NLN: variants seen among roughly 807,000 people sequenced by gnomAD.
NLN encodes the protein neurolysin, also known as neurolysin, mitochondrial.
In NLN, 64 loss-of-function variants were observed where a neutral mutation model predicts 79.9. The observed-to-expected ratio is 0.80, with a 90% CI of 0.65 to 0.99. The LOEUF (loss-of-function observed/expected upper bound fraction) is 0.99, where lower values mean the gene tolerates loss of function less well. NLN is among the 50% of genes least tolerant of loss of function. The pLI is 0.00. For missense variants in NLN, 835 were observed against 858.7 expected (o/e 0.97, Z 0.34); for synonymous variants, 267 against 296.6 (o/e 0.90, Z 1.02).
At chr5:65,740,081 A>G (rs1437092300) in intron 1 of NLN, among the ~76,000 whole-genome samples, 3 of 152,084 alleles carry the variant, frequency 2.0e-5, no homozygotes, top group African/African-American at 7.2e-5. Context: ...CACTAGTGTT[A>G]TGGAGCTTTT....
chr5:65,790,163 C>G (rs951269788), intron 8 of NLN, among the ~76,000 whole-genome samples: 1 of 152,178 alleles, frequency 6.6e-6, no homozygotes, highest in African/African-American at 2.4e-5. Flanking sequence ...CAACCTCTTA[C>G]AATTACTAAT....
intron 1 of NLN, among the ~76,000 whole-genome samples, chr5:65,733,966 C>T (rs182290834): frequency 0.014 from 1,929 of 135,468 alleles, 341 homozygotes; most frequent in South Asian, 0.037. Flanking sequence ...GGCACGACTT[C>T]GGCTCACTGC....
intron 9 of NLN, among the ~76,000 whole-genome samples, chr5:65,806,908 G>C (rs1760424894): frequency 6.6e-6 from 1 of 152,092 alleles, no homozygotes; most frequent in African/African-American, 2.4e-5. Context: ...TGGCTGCGTT[G>C]GCTCCCACCT....
At chr5:65,792,706 A>C in intron 9 of NLN, 51 bp downstream of exon 9, 2 of 1,345,544 alleles carry the variant, frequency 1.5e-6, no homozygotes, top group Non-Finnish European at 2.1e-6. Flanking sequence ...TTTTTAGAAA[A>C]CTTCTTGACT....
At chr5:65,813,812 C>T (rs1760608563) in intron 12 of NLN, among the ~76,000 whole-genome samples, 1 of 151,972 alleles carries the variant, frequency 6.6e-6, no homozygotes, top group South Asian at 2.1e-4. Flanking sequence ...CCTATAGCCC[C>T]AGCTACTCTG....
intron 1 of NLN, among the ~76,000 whole-genome samples, chr5:65,737,154 CTG>C (rs148954566): frequency 0.054 from 8,233 of 152,130 alleles, 643 homozygotes; most frequent in African/African-American, 0.18. Context: ...TATATTTAAT[CTG>C]TGTTTAATCT....
chr5:65,733,473 C>T (rs968036012), intron 1 of NLN: 9 of 1,400,908 alleles, frequency 6.4e-6, no homozygotes, highest in South Asian at 2.3e-5. Flanking sequence ...GTATCCTTCC[C>T]ATCTGGAGAG....
chr5:65,753,451 C>T (rs1326822502), intron 1 of NLN, among the ~76,000 whole-genome samples: 5 of 152,176 alleles, frequency 3.3e-5, no homozygotes, highest in South Asian at 2.1e-4. Flanking sequence ...TAGTTTGAGA[C>T]CAGCCTGGCC....
intron 9 of NLN, 73 bp from the exon 10 acceptor site, chr5:65,809,442 C>G: frequency 7.7e-7 from 1 of 1,304,852 alleles, no homozygotes; most frequent in East Asian, 2.3e-5. Context: ...GTTTTCGTGA[C>G]TCTTAATAAT....
At chr5:65,748,782 A>G (rs140221370) in intron 1 of NLN, among the ~76,000 whole-genome samples, 56 of 152,228 alleles carry the variant, frequency 3.7e-4, no homozygotes, top group African/African-American at 1.3e-3. Flanking sequence ...AAGAAACTGA[A>G]GTTAAGGGAG....
rs1418200631 is a variant in NLN, at chr5:65,825,655, A to G, written c.*2740A>G. 6.6e-6 allele frequency: 1 copy of G among 152,206 alleles called. No homozygotes were observed. The highest frequency in any genetic ancestry group is 1.5e-5 in the Non-Finnish European group (1 of 68,046). The allele number at this position is 152,206 out of a possible 1,614,324, so 9.4% of individuals were successfully genotyped here. A position where few individuals can be genotyped will look rare whatever the true frequency, so the allele number is the denominator to read the frequency against. Reference sequence around the variant, plus strand: ...CCAAGGTCTTGCCTTTCTAAAGCTAATAAGGTGAGAGGTGGATATCTGTAG... The same window carrying G: ...CCAAGGTCTTGCCTTTCTAAAGCTAGTAAGGTGAGAGGTGGATATCTGTAG... On this transcript the variant is annotated 3_prime_UTR_variant, in exon 13 of 13. Transcript: ENST00000380985.
chr5:65,723,536 C>G (rs1017379987), intron 1 of NLN, among the ~76,000 whole-genome samples: 2 of 152,088 alleles, frequency 1.3e-5, no homozygotes, highest in Non-Finnish European at 2.9e-5. Context: ...AATTCTCGGC[C>G]GGGCGCTGTG....
chr5:65,762,992 G>GTATC lies in NLN; in HGVS notation c.335_338dup (p.Ser114IlefsTer3). ...GACCATGCTAGACTTTCCCCAGCATGTATCCTCTGACAAAGAAGTACGAGC... is the reference window on the plus strand; with the variant it reads ...GACCATGCTAGACTTTCCCCAGCATGTATCTATCCTCTGACAAAGAAGTACGAGC... On this transcript the variant is annotated frameshift_variant, in exon 3 of 13. Coordinates refer to ENST00000380985, the MANE Select transcript of NLN (RefSeq NM_020726.5). LOFTEE classifies it high-confidence loss of function. The GTATC allele has an allele frequency of 6.2e-7, 1 of 1,614,000 alleles. No individual in the cohort carries two copies. Among genetic ancestry groups the GTATC allele is most frequent in the Non-Finnish European group, 8.5e-7 (1 of 1,179,934 alleles).
intron 6 of NLN, among the ~76,000 whole-genome samples, chr5:65,783,540 A>C (rs1030079566): frequency 2.6e-5 from 4 of 152,078 alleles, no homozygotes; most frequent in Non-Finnish European, 5.9e-5. Flanking sequence ...TGGGAAACGT[A>C]ATTAGGTAAC....
chr5:65,754,955 C>CT (rs1317871209), intron 1 of NLN, among the ~76,000 whole-genome samples: 1 of 152,174 alleles, frequency 6.6e-6, no homozygotes, highest in Admixed American at 6.5e-5. Flanking sequence ...TTCATGTAGG[C>CT]AATTTATCCA....
At chr5:65,766,648 C>T (rs147024749) in intron 3 of NLN, among the ~76,000 whole-genome samples, 88 of 152,306 alleles carry the variant, frequency 5.8e-4, no homozygotes, top group African/African-American at 2.0e-3. Flanking sequence ...CCCAACAGTC[C>T]CCCATAGTCT....
chr5:65,807,777 A>G (rs1475877938), intron 9 of NLN, among the ~76,000 whole-genome samples: 2 of 152,202 alleles, frequency 1.3e-5, no homozygotes, highest in Non-Finnish European at 2.9e-5. Context: ...TGAACAGTTA[A>G]TAGACTAGAG....
chr5:65,816,037 GGAA>G (rs775249282), intron 12 of NLN, among the ~76,000 whole-genome samples: 15 of 152,134 alleles, frequency 9.9e-5, no homozygotes, highest in Admixed American at 1.3e-4. Flanking sequence ...AAAGAAAAGA[GGAA>G]GAAGAACTCC....
intron 9 of NLN, 31 bp from the exon 10 acceptor site, chr5:65,809,484 T>A (rs762867652): frequency 1.4e-5 from 22 of 1,553,418 alleles, no homozygotes; most frequent in Non-Finnish European, 1.6e-5. Context: ...CATTGAGTTC[T>A]TTAAAAAAAT....
Sources: gnomAD v4.1 joint callset for allele counts (sites outside exome capture counted in the v4.1 genomes callset) on GRCh38, gnomAD v4.1.1 for gene constraint, MANE v1.5 for transcripts, NCBI Gene and HGNC (gene_info 2026-07-23, HGNC 2026-07-21) for gene names.